PALM2AKAP2: variants seen among roughly 807,000 people sequenced by gnomAD.
PALM2AKAP2 encodes PALM2 and AKAP2 fusion.
PALM2AKAP2 carries 37 observed loss-of-function variants against 71.5 expected under a neutral mutation model. The observed-to-expected ratio is 0.52, with a 90% CI of 0.40 to 0.68. The LOEUF (loss-of-function observed/expected upper bound fraction) is 0.68. Ranked by LOEUF, PALM2AKAP2 falls within the 30% of genes least tolerant of loss-of-function variation. The probability of loss-of-function intolerance (pLI) is 0.00; values close to 1 mark genes in which losing one functional copy is unlikely to be tolerated. For synonymous variants in PALM2AKAP2, 468 were observed against 478.8 expected, an observed-to-expected ratio of 0.98 and a Z score of 0.29; for missense variants, 1,224 against 1,191.8, an observed-to-expected ratio of 1.03 and a Z score of -0.40.
At chr9:109,948,649 G>A (rs1831566541) in intron 6 of PALM2AKAP2, among the ~76,000 whole-genome samples, 1 of 151,554 alleles carries the variant, frequency 6.6e-6, no homozygotes, top group Admixed American at 6.6e-5. Flanking sequence ...TAATCACCTG[G>A]GGCTATTTTT....
upstream of PALM2AKAP2, among the ~76,000 whole-genome samples, chr9:110,046,464 C>CTTT (rs10601764): frequency 1.6e-3 from 166 of 104,666 alleles, no homozygotes; most frequent in Non-Finnish European, 2.7e-3. Context: ...GATTGCTTTA[C>CTTT]TTTTTTTTTT....
intron 1 of PALM2AKAP2, among the ~76,000 whole-genome samples, chr9:109,642,172 AT>A: frequency 1.3e-5 from 2 of 152,106 alleles, no homozygotes; most frequent in East Asian, 3.9e-4. Flanking sequence ...AACTAGTGTC[AT>A]GTTTAAGAGC....
intron 3 of PALM2AKAP2, among the ~76,000 whole-genome samples, chr9:109,898,928 C>T (rs553845080): frequency 2.0e-5 from 3 of 152,218 alleles, no homozygotes. Context: ...TTGAAACACA[C>T]TCTCTCCTTG....
intron 1 of PALM2AKAP2, among the ~76,000 whole-genome samples, chr9:109,697,190 A>G (rs192247114): frequency 5.8e-4 from 88 of 152,304 alleles, no homozygotes; most frequent in Non-Finnish European, 1.0e-3. Flanking sequence ...GACATTAAGA[A>G]GAGAGAAGCA....
intron 6 of PALM2AKAP2, among the ~76,000 whole-genome samples, chr9:110,004,036 G>T (rs1218773244): frequency 6.6e-6 from 1 of 152,126 alleles, no homozygotes; most frequent in Non-Finnish European, 1.5e-5. Context: ...TACATTTAAG[G>T]TTAATATTGT....
intron 1 of PALM2AKAP2, among the ~76,000 whole-genome samples, chr9:109,817,801 C>G (rs1223440971): frequency 6.6e-6 from 1 of 152,190 alleles, no homozygotes; most frequent in South Asian, 2.1e-4. Context: ...CCAAATGTTC[C>G]TGGCCCCCTC....
chr9:109,887,921 C>T (rs565401382), intron 3 of PALM2AKAP2, among the ~76,000 whole-genome samples: 2 of 152,286 alleles, frequency 1.3e-5, no homozygotes, highest in East Asian at 3.9e-4. Flanking sequence ...GTGATTCTCC[C>T]TCCTCAACCT....
At chr9:109,746,971 G>A (rs1381298265) in intron 1 of PALM2AKAP2, among the ~76,000 whole-genome samples, 1 of 152,218 alleles carries the variant, frequency 6.6e-6, no homozygotes, top group East Asian at 1.9e-4. Flanking sequence ...AAGGCATGGA[G>A]TAGAGAACAG....
chr9:109,908,808 G>GCACACACA (rs59715039), intron 3 of PALM2AKAP2, among the ~76,000 whole-genome samples: 13,678 of 150,140 alleles, frequency 0.091, 707 homozygotes, highest in East Asian at 0.15. Context: ...GGATGCGTGT[G>GCACACACA]CACACACACA....
chr9:110,103,740 C>G (rs1284430747), intron 1 of PALM2AKAP2, among the ~76,000 whole-genome samples: 1 of 152,230 alleles, frequency 6.6e-6, no homozygotes, highest in Admixed American at 6.5e-5. Flanking sequence ...ATGTGGCACA[C>G]ATACATTGCC....
chr9:109,951,868 C>A (rs757406115), intron 6 of PALM2AKAP2, among the ~76,000 whole-genome samples: 1 of 152,182 alleles, frequency 6.6e-6, no homozygotes, highest in Non-Finnish European at 1.5e-5. Flanking sequence ...CTTTGCATGT[C>A]TCTCTCCACA....
chr9:109,877,082 C>A (rs1248252052), intron 2 of PALM2AKAP2, among the ~76,000 whole-genome samples: 1 of 152,160 alleles, frequency 6.6e-6, no homozygotes, highest in Non-Finnish European at 1.5e-5. Flanking sequence ...AACATCCCTG[C>A]TGGTGTGGAG....
chr9:110,096,907 AACAGAATC>A (rs1166123300), intron 1 of PALM2AKAP2, among the ~76,000 whole-genome samples: 2 of 151,848 alleles, frequency 1.3e-5, no homozygotes, highest in African/African-American at 4.8e-5. Flanking sequence ...AGCCTCTTTT[AACAGAATC>A]ACAGAATTTT....
chr9:110,042,078 C>T (rs989164060), intron 7 of PALM2AKAP2, among the ~76,000 whole-genome samples: 3 of 152,176 alleles, frequency 2.0e-5, no homozygotes, highest in African/African-American at 7.2e-5. Flanking sequence ...GCAAACAAGA[C>T]CATAGACTAA....
intron 3 of PALM2AKAP2, among the ~76,000 whole-genome samples, chr9:109,883,232 C>T (rs371306980): frequency 1.1e-4 from 16 of 152,242 alleles, no homozygotes; most frequent in South Asian, 4.2e-4. Flanking sequence ...TTATCCTTTA[C>T]GTCCTTTACG....
chr9:109,920,288 T>C (rs926907259), intron 3 of PALM2AKAP2, among the ~76,000 whole-genome samples: 6 of 152,220 alleles, frequency 3.9e-5, no homozygotes, highest in Middle Eastern at 3.4e-3. Context: ...ATGGTCAAGA[T>C]TGACATCAGT....
chr9:110,005,539 A>G (rs1029018584), intron 6 of PALM2AKAP2, among the ~76,000 whole-genome samples: 1 of 151,760 alleles, frequency 6.6e-6, no homozygotes, highest in Non-Finnish European at 1.5e-5. Flanking sequence ...GAGAACCACT[A>G]CTCTCTTCAA....
At chr9:109,888,227 C>G (rs936463748) in intron 3 of PALM2AKAP2, among the ~76,000 whole-genome samples, 1 of 152,216 alleles carries the variant, frequency 6.6e-6, no homozygotes, top group South Asian at 2.1e-4. Context: ...AGAGCTTGAC[C>G]AAACTTGGCT....
At chr9:109,675,875 T>A (rs1827641183) in intron 1 of PALM2AKAP2, among the ~76,000 whole-genome samples, 1 of 152,158 alleles carries the variant, frequency 6.6e-6, no homozygotes, top group Admixed American at 6.5e-5. Context: ...TGATGACTGT[T>A]TACCTTTACC....
Sources: gnomAD v4.1 joint callset for allele counts (sites outside exome capture counted in the v4.1 genomes callset) on GRCh38, gnomAD v4.1.1 for gene constraint, MANE v1.5 for transcripts, NCBI Gene and HGNC (gene_info 2026-07-23, HGNC 2026-07-21) for gene names.